Variants in FHIP2A observed in about 807,000 individuals in gnomAD.
FHIP2A encodes family with sequence similarity 160 member B1.
Under a neutral mutation model 93.5 loss-of-function variants are expected in FHIP2A, and 46 were observed. The observed-to-expected ratio is 0.49, with a 90% confidence interval of 0.39 to 0.63. The LOEUF is 0.63. Ranked by LOEUF, FHIP2A falls within the 20% of genes least tolerant of loss-of-function variation. FHIP2A has a pLI of 0.00. For missense variants in FHIP2A, 769 were observed against 909.7 expected (o/e 0.85, Z 1.99); for synonymous variants, 332 against 326.5 (o/e 1.02, Z -0.18).
At position 114,830,847 on chromosome 10, in the gene FHIP2A, T is replaced by A. The variant is rs1307627779; in HGVS notation, c.46-5T>A. 4.4e-6 allele frequency: 7 copies of A among 1,599,214 alleles called. No homozygotes were observed. Among genetic ancestry groups the A allele is most frequent in the Non-Finnish European group, 6.0e-6 (7 of 1,172,184 alleles). ...CTTAATTGTTGTGGTCTTTTGTTTG[T>A]GTAGCTTGCACCTTCTCTTCCTTTA... On this transcript the variant is annotated splice_region_variant and splice_polypyrimidine_tract_variant and intron_variant, in intron 1 of 16. Coordinates refer to ENST00000369248, the MANE Select transcript of FHIP2A (RefSeq NM_020940.4).
intron 16 of FHIP2A, among the ~76,000 whole-genome samples, chr10:114,891,185 C>A (rs1566390473): frequency 1.3e-5 from 2 of 148,648 alleles, no homozygotes; most frequent in East Asian, 1.9e-4. Flanking sequence ...CAACGTGAGA[C>A]CCTGTCTAAA....
chr10:114,831,658 C>T (rs2083608781), intron 2 of FHIP2A, among the ~76,000 whole-genome samples: 2 of 152,214 alleles, frequency 1.3e-5, no homozygotes, highest in African/African-American at 2.4e-5. Flanking sequence ...TGAAATGAGA[C>T]ATAACATTTC....
intron 5 of FHIP2A, among the ~76,000 whole-genome samples, chr10:114,840,293 A>G (rs1303930770): frequency 6.6e-6 from 1 of 152,230 alleles, no homozygotes; most frequent in South Asian, 2.1e-4. Flanking sequence ...AGGAATGAAG[A>G]TGTAAAAGTT....
chr10:114,858,598 T>C (rs1214620414), intron 14 of FHIP2A, among the ~76,000 whole-genome samples: 2 of 151,710 alleles, frequency 1.3e-5, no homozygotes, highest in African/African-American at 4.8e-5. Flanking sequence ...TTTTTTTTTT[T>C]ACTAAATGCA....
chr10:114,836,407 C>G (rs1212090920), intron 5 of FHIP2A, among the ~76,000 whole-genome samples, 161 bp downstream of exon 5: 1 of 151,978 alleles, frequency 6.6e-6, no homozygotes, highest in African/African-American at 2.4e-5. Flanking sequence ...TTTTATTCTC[C>G]TGGGAGAAAA....
chr10:114,841,093 A>C (rs1218831829), intron 5 of FHIP2A, among the ~76,000 whole-genome samples: 2 of 152,044 alleles, frequency 1.3e-5, no homozygotes, highest in Non-Finnish European at 1.5e-5. Context: ...AGGAATCTGC[A>C]TTTTTATCAA....
chr10:114,875,912 GAA>G (rs1234405942), intron 16 of FHIP2A, among the ~76,000 whole-genome samples: 526 of 45,014 alleles, frequency 0.012, 20 homozygotes, highest in African/African-American at 0.036. Flanking sequence ...TAAAGAAAGA[GAA>G]AGAAAGAAAG....
intron 13 of FHIP2A, among the ~76,000 whole-genome samples, chr10:114,850,702 A>T (rs2083729680): frequency 6.6e-6 from 1 of 152,124 alleles, no homozygotes; most frequent in East Asian, 1.9e-4. Context: ...CCTGTCTCCA[A>T]AAAATAAAAA....
rs1689805823 is a variant in FHIP2A, at chr10:114,864,582, G to T, written c.*3042G>T. On this transcript the variant is annotated 3_prime_UTR_variant, in exon 17 of 17. Coordinates refer to ENST00000369248, the MANE Select transcript of FHIP2A (RefSeq NM_020940.4). ...CTGGAATTCTTGGTCCCTCCGTGGAGAAACTCTTCAGATGGTCATTGTGTA... is the reference window on the plus strand; with the variant it reads ...CTGGAATTCTTGGTCCCTCCGTGGATAAACTCTTCAGATGGTCATTGTGTA... 1 of 985,708 alleles carries T rather than the reference G, an allele frequency of 1.0e-6. No homozygotes were observed. Among genetic ancestry groups the T allele is most frequent in the Non-Finnish European group, 1.2e-6 (1 of 829,944 alleles). 61.1% of individuals were successfully genotyped at this position (985,708 alleles called of 1,614,324 possible).
In FHIP2A at chr10:114,898,448, G is replaced by C. The variant is rs368326875; in HGVS notation, c.2193-1042G>C. Among the ~76,000 whole-genome samples, 17 of 152,298 alleles carry C rather than the reference G, an allele frequency of 1.1e-4. No individual in the cohort carries two copies. In the East Asian group the frequency reaches 1.5e-3, roughly 14 times the overall value. On this transcript the variant is annotated intron_variant, in intron 16 of 16. Coordinates refer to the FHIP2A transcript ENST00000369250. Reference sequence around the variant, plus strand: ...GCTCACCAGCCTCAGCCCACCAGCTGATAACCAGCTCTGGCCTGGGACAAC... The same window carrying C: ...GCTCACCAGCCTCAGCCCACCAGCTCATAACCAGCTCTGGCCTGGGACAAC...
intron 13 of FHIP2A, among the ~76,000 whole-genome samples, chr10:114,848,985 T>C (rs1489997860): frequency 6.6e-6 from 1 of 151,496 alleles, no homozygotes; most frequent in Non-Finnish European, 1.5e-5. Context: ...TCTACTAAAA[T>C]ACAAAAATTA....
At chr10:114,844,913 T>G (rs1592019168) in intron 7 of FHIP2A, among the ~76,000 whole-genome samples, 1 of 151,910 alleles carries the variant, frequency 6.6e-6, no homozygotes, top group East Asian at 1.9e-4. Flanking sequence ...GCTTCCCAAG[T>G]AGCTGGGATT....
chr10:114,845,530 A>AT, intron 8 of FHIP2A, 49 bp downstream of exon 8: 2 of 1,103,920 alleles, frequency 1.8e-6, no homozygotes, highest in African/African-American at 3.2e-5. Context: ...ATAAATATCT[A>AT]TTAAGTGAAA....
chr10:114,851,503 A>C (rs909125575), intron 13 of FHIP2A, among the ~76,000 whole-genome samples: 1 of 151,932 alleles, frequency 6.6e-6, no homozygotes, highest in Non-Finnish European at 1.5e-5. Context: ...TTTAAGTGTA[A>C]AGTTTATTTG....
chr10:114,877,461 A>ATATAAT (rs1249243219), intron 16 of FHIP2A, among the ~76,000 whole-genome samples: 41 of 152,220 alleles, frequency 2.7e-4, no homozygotes, highest in African/African-American at 9.1e-4. Context: ...CAGTATAATT[A>ATATAAT]TATAATTATA....
At position 114,846,288 on chromosome 10, in the gene FHIP2A, A is replaced by T; in HGVS notation, c.1319A>T (p.Glu440Val). 6.2e-7 allele frequency: 1 copy of T among 1,614,176 alleles called. No homozygotes were observed. The highest frequency in any genetic ancestry group is 8.5e-7 in the Non-Finnish European group (1 of 1,180,022). The change falls in exon 10 of 17, where the codon GAA (glutamate) becomes GTA (valine). Residue 440 changes from glutamate (E) to valine (V), a missense_variant. By Grantham distance (121) the Glu-to-Val change is moderately radical. Coordinates refer to ENST00000369248, the MANE Select transcript of FHIP2A (RefSeq NM_020940.4). ...TTTTTTATCCTTGGAGAACAGAGGGAACCAGAAACTCTGGCAGAAATCAGC... is the reference window on the plus strand; with the variant it reads ...TTTTTTATCCTTGGAGAACAGAGGGTACCAGAAACTCTGGCAGAAATCAGC... ...MVFFILGEQR[E>V]PETLAEISRH...
At chr10:114,850,820 CA>C (rs1468420641) in intron 13 of FHIP2A, among the ~76,000 whole-genome samples, 3 of 152,218 alleles carry the variant, frequency 2.0e-5, no homozygotes, top group African/African-American at 7.2e-5. Context: ...ACATTATTTA[CA>C]AACATTTTCT....
chr10:114,824,746 C>T (rs2083563627), intron 1 of FHIP2A, among the ~76,000 whole-genome samples: 2 of 152,168 alleles, frequency 1.3e-5, no homozygotes, highest in Admixed American at 1.3e-4. Flanking sequence ...CCTCTATGAA[C>T]CAATCTTACC....
chr10:114,849,892 C>A (rs1162960562), intron 13 of FHIP2A, among the ~76,000 whole-genome samples: 1 of 152,162 alleles, frequency 6.6e-6, no homozygotes, highest in Non-Finnish European at 1.5e-5. Flanking sequence ...TTCTGTCTGG[C>A]ATTTTTTACT....
Sources: gnomAD v4.1 joint callset for allele counts (sites outside exome capture counted in the v4.1 genomes callset) on GRCh38, gnomAD v4.1.1 for gene constraint, MANE v1.5 for transcripts, NCBI Gene and HGNC (gene_info 2026-07-23, HGNC 2026-07-21) for gene names.